Variants in ZNRF1 observed in about 807,000 individuals in gnomAD.
The protein encoded by ZNRF1 is E3 ubiquitin-protein ligase ZNRF1.
ZNRF1 carries 3 observed loss-of-function variants against 18.4 expected under a neutral mutation model. The observed-to-expected ratio is 0.16, with a 90% CI of 0.07 to 0.42. The LOEUF (loss-of-function observed/expected upper bound fraction) is 0.42, where lower values mean the gene tolerates loss of function less well. Among genes scored for constraint, ZNRF1 ranks in the 10% least tolerant of loss-of-function variants. The pLI is 0.99. For synonymous variants in ZNRF1, 157 were observed against 144.2 expected (o/e 1.09, Z -0.64); for missense variants, 310 against 329.8 (o/e 0.94, Z 0.47).
chr16:75,059,182 TTTC>T (rs2035707081), intron 1 of ZNRF1, among the ~76,000 whole-genome samples: 1 of 139,524 alleles, frequency 7.2e-6, no homozygotes, highest in Admixed American at 6.9e-5. Flanking sequence ...GATTTTCTTT[TTTC>T]TTTTCTTTTC....
intron 1 of ZNRF1, among the ~76,000 whole-genome samples, chr16:75,012,567 C>T (rs534982604): frequency 5.3e-5 from 8 of 152,150 alleles, no homozygotes; most frequent in African/African-American, 1.4e-4. Context: ...CCAGAGGAGA[C>T]GCCACCCAGT....
intron 1 of ZNRF1, among the ~76,000 whole-genome samples, chr16:75,026,382 A>G (rs1199671916): frequency 6.6e-6 from 1 of 152,194 alleles, no homozygotes; most frequent in Non-Finnish European, 1.5e-5. Flanking sequence ...CCCAACAGCA[A>G]GGTCAATGTT....
chr16:75,063,968 G>A (rs1327180935), intron 1 of ZNRF1, among the ~76,000 whole-genome samples: 1 of 152,148 alleles, frequency 6.6e-6, no homozygotes, highest in African/African-American at 2.4e-5. Flanking sequence ...GTTAAAATAC[G>A]GGGCTCCATT....
chr16:75,069,195 A>G (rs904517474), intron 1 of ZNRF1, among the ~76,000 whole-genome samples: 1 of 152,102 alleles, frequency 6.6e-6, no homozygotes, highest in African/African-American at 2.4e-5. Flanking sequence ...AAGGAAGGCA[A>G]GAAGAGTTGC....
rs1024699112 is a variant in ZNRF1 at position 75,110,059 on chromosome 16, C to G, written c.*2359C>G. The stretch of plus-strand genomic sequence containing the variant: ...GCAGTGCCATGGGTGAGCCGAGCAG[C>G]TGTGAGGTGGGTGGGGCAGGGCTGT... On this transcript the variant is annotated 3_prime_UTR_variant, in exon 5 of 5. Transcript: ENST00000335325. The G allele has an allele frequency of 6.6e-6, 1 of 152,412 alleles. No homozygotes were observed. Among genetic ancestry groups the G allele is most frequent in the African/African-American group, 2.4e-5 (1 of 41,478 alleles). 9.4% of individuals were successfully genotyped at this position (152,412 alleles called of 1,614,324 possible).
intron 1 of ZNRF1, among the ~76,000 whole-genome samples, chr16:75,040,097 T>C (rs911726754): frequency 2.9e-4 from 37 of 129,336 alleles, no homozygotes; most frequent in Admixed American, 8.0e-4. Context: ...CAGGCTACAG[T>C]ACAGTGGCAT....
At chr16:75,031,137 G>GT (rs1327031295) in intron 1 of ZNRF1, among the ~76,000 whole-genome samples, 4,653 of 127,580 alleles carry the variant, frequency 0.036, 166 homozygotes, top group African/African-American at 0.095. Context: ...CGCCCCACCT[G>GT]TTTTTTTTTT....
At position 75,075,595 on chromosome 16, in the gene ZNRF1, C is replaced by T. The variant is rs150845200; in HGVS notation, c.425-17977C>T. Among the ~76,000 whole-genome samples the T allele has an allele frequency of 1.7e-3, 262 of 152,274 alleles. 1 individual carries two copies. The highest frequency in any genetic ancestry group is 5.6e-3 in the African/African-American group (231 of 41,550). The stretch of plus-strand genomic sequence containing the variant: ...CAGCTGGGCCTTTTTCACACATTTC[C>T]GTGAAGTGTGATGTTCATTCATCCA... On this transcript the variant is annotated intron_variant, in intron 1 of 4. Coordinates refer to ENST00000335325, the MANE Select transcript of ZNRF1 (RefSeq NM_032268.5).
intron 1 of ZNRF1, among the ~76,000 whole-genome samples, chr16:75,087,774 G>T (rs186303621): frequency 6.6e-6 from 1 of 152,336 alleles, no homozygotes; most frequent in Admixed American, 6.5e-5. Flanking sequence ...GATTGCCTAC[G>T]GTGAACCAGT....
chr16:75,045,470 G>A (rs1458295942), intron 1 of ZNRF1, among the ~76,000 whole-genome samples: 4 of 152,092 alleles, frequency 2.6e-5, no homozygotes, highest in African/African-American at 4.8e-5. Flanking sequence ...AATTGTGCTG[G>A]GTGCAATATT....
chr16:75,081,688 G>A lies in ZNRF1; in HGVS notation c.425-11884G>A, dbSNP rs1350663892. Among the ~76,000 whole-genome samples the A allele has an allele frequency of 1.3e-5, 2 of 152,186 alleles. 1 individual carries two copies. The highest frequency in any genetic ancestry group is 2.9e-5 in the Non-Finnish European group (2 of 68,044). ...CATGTATGTGCAAGGAGAGCGTGAT[G>A]TTCAGTCGAATGACTGGGCATTTCC... On this transcript the variant is annotated intron_variant, in intron 1 of 4. Transcript: ENST00000335325.
At chr16:75,037,849 CAT>C (rs745910774) in intron 1 of ZNRF1, among the ~76,000 whole-genome samples, 7 of 152,182 alleles carry the variant, frequency 4.6e-5, no homozygotes, top group Non-Finnish European at 1.0e-4. Flanking sequence ...TTAAAGCACT[CAT>C]ATAACCTGTT....
intron 1 of ZNRF1, among the ~76,000 whole-genome samples, chr16:75,021,413 C>T (rs2035146055): frequency 1.3e-5 from 2 of 152,240 alleles, no homozygotes; most frequent in East Asian, 1.9e-4. Flanking sequence ...TGAATTCACT[C>T]ACCTGCTTGC....
At chr16:75,072,747 C>T (rs1035470018) in intron 1 of ZNRF1, among the ~76,000 whole-genome samples, 4 of 152,030 alleles carry the variant, frequency 2.6e-5, no homozygotes, top group Non-Finnish European at 5.9e-5. Context: ...TCCCATTGAA[C>T]CCCTCCTTTT....
chr16:75,067,330 C>G (rs2035818857), intron 1 of ZNRF1, among the ~76,000 whole-genome samples: 1 of 152,102 alleles, frequency 6.6e-6, no homozygotes, highest in Admixed American at 6.5e-5. Context: ...GAAGGTCACT[C>G]TAGGTACAAG....
intron 1 of ZNRF1, among the ~76,000 whole-genome samples, chr16:75,036,043 C>G (rs1361279877): frequency 6.6e-6 from 1 of 152,146 alleles, no homozygotes; most frequent in Admixed American, 6.5e-5. Flanking sequence ...AACTGCCTGA[C>G]CATCACCTGA....
chr16:75,103,526 G>T (rs2036276541), intron 2 of ZNRF1, among the ~76,000 whole-genome samples: 1 of 151,986 alleles, frequency 6.6e-6, no homozygotes, highest in Admixed American at 6.6e-5. Context: ...GAAGGGGAGT[G>T]GTGGATTAAT....
At chr16:75,098,060 T>C (rs2036218681) in intron 2 of ZNRF1, among the ~76,000 whole-genome samples, 1 of 152,198 alleles carries the variant, frequency 6.6e-6, no homozygotes, top group Non-Finnish European at 1.5e-5. Flanking sequence ...AGATGCTGGA[T>C]GGGCTGGAGT....
chr16:75,065,031 G>A (rs932257678), intron 1 of ZNRF1, among the ~76,000 whole-genome samples: 4 of 152,232 alleles, frequency 2.6e-5, no homozygotes, highest in African/African-American at 9.6e-5. Context: ...GAGATAGGCC[G>A]TGTTCCTGTG....
Sources: allele counts gnomAD v4.1 joint callset (sites outside exome capture counted in the v4.1 genomes callset), GRCh38; gene constraint gnomAD v4.1.1; transcripts MANE v1.5; gene names NCBI Gene and HGNC (gene_info 2026-07-23, HGNC 2026-07-21).